The following PDCD6 variants were observed in gnomAD, a reference collection of about 807,000 sequenced individuals.
The protein encoded by PDCD6 is programmed cell death 6.
PDCD6 carries 12 observed loss-of-function variants against 28.3 expected under a neutral mutation model. The ratio of observed to expected loss-of-function variants is 0.42; its 90% CI spans 0.27 to 0.69. The LOEUF (loss-of-function observed/expected upper bound fraction) is 0.69, where lower values mean the gene tolerates loss of function less well. Ranked by LOEUF, PDCD6 falls within the 30% of genes least tolerant of loss-of-function variation. The pLI, the probability that PDCD6 is intolerant of heterozygous loss-of-function variation, is 0.22. For missense variants in PDCD6, 226 were observed against 269.9 expected, an observed-to-expected ratio of 0.84 and a Z score of 1.14; for synonymous variants, 92 against 108.0, an observed-to-expected ratio of 0.85 and a Z score of 0.92.
At chr5:278,209 C>G (rs1373091689) in intron 2 of PDCD6, among the ~76,000 whole-genome samples, 1 of 152,104 alleles carries the variant, frequency 6.6e-6, no homozygotes, top group Non-Finnish European at 1.5e-5. Flanking sequence ...ATATAGCTTT[C>G]TCTTGTAGGA....
At chr5:298,080 G>A (rs1293956188) in intron 2 of PDCD6, among the ~76,000 whole-genome samples, 9 of 152,130 alleles carry the variant, frequency 5.9e-5, no homozygotes, top group Admixed American at 5.2e-4. Flanking sequence ...CTCTGCTATC[G>A]ATATCAGGGA....
chr5:288,300 A>ATG (rs1241256542), intron 2 of PDCD6, among the ~76,000 whole-genome samples: 2 of 110,440 alleles, frequency 1.8e-5, no homozygotes, highest in African/African-American at 5.5e-5. Context: ...TATTATATAT[A>ATG]TATATATATA....
At chr5:291,752 G>A (rs1420541256) in intron 2 of PDCD6, among the ~76,000 whole-genome samples, 8 of 152,142 alleles carry the variant, frequency 5.3e-5, no homozygotes, top group Admixed American at 2.0e-4. Context: ...TCATTGCTGC[G>A]TGATCTCCCA....
intron 2 of PDCD6, among the ~76,000 whole-genome samples, chr5:300,359 A>C (rs1739973591): frequency 6.6e-6 from 1 of 152,104 alleles, no homozygotes; most frequent in Non-Finnish European, 1.5e-5. Flanking sequence ...AATCCGGCGC[A>C]CCCTGTGTGA....
At chr5:290,118 A>G in intron 2 of PDCD6, 1 of 1,575,646 alleles carries the variant, frequency 6.3e-7, no homozygotes, top group East Asian at 2.2e-5. Flanking sequence ...GGTTGGGAGG[A>G]CCTCTTGGCT....
Position 271,786 on chromosome 5 carries a change from G to A in PDCD6, c.66G>A (p.Leu22=). 3 of 1,479,788 alleles carry A rather than the reference G, an allele frequency of 2.0e-6. No individual in the cohort carries two copies. Among genetic ancestry groups the A allele is most frequent in the Non-Finnish European group, 2.7e-6 (3 of 1,121,098 alleles). The allele number at this position is 1,479,788 out of a possible 1,614,324, so 91.7% of individuals were successfully genotyped here. Residue 22 remains leucine (L), a synonymous_variant, in exon 1 of 6, where the codon CTG becomes CTA. Coordinates refer to ENST00000264933, the MANE Select transcript of PDCD6 (RefSeq NM_013232.4). ...AGPGPAAGAA[L]PDQSFLWNVF... ...CTGGGCCTGCTGCAGGCGCGGCGCTGCCGGACCAGAGCTTCCTGTGGAACG... is the reference window on the plus strand; with the variant it reads ...CTGGGCCTGCTGCAGGCGCGGCGCTACCGGACCAGAGCTTCCTGTGGAACG...
chr5:306,414 C>A, intron 3 of PDCD6, 188 bp from the exon 4 acceptor site: 1 of 597,654 alleles, frequency 1.7e-6, no homozygotes, highest in Non-Finnish European at 3.0e-6. Flanking sequence ...ACACCCCCAC[C>A]CAGGGCGAAG....
Position 277,080 on chromosome 5 carries a change from A to G in PDCD6, c.163+4308A>G, listed in dbSNP as rs1035566772. ...TGATGTATTTGTAAGGGGCATTTTT[A>G]AAGCTGTACTTTAAAAAATAATAAT... On this transcript the variant is annotated intron_variant, in intron 2 of 5. Transcript: ENST00000264933. 2.1e-5 allele frequency: 6 copies of G among 281,958 alleles called. No homozygotes were observed. In the Admixed American group the frequency reaches 3.9e-4, roughly 18 times the overall value. 17.5% of individuals were successfully genotyped at this position (281,958 alleles called of 1,614,324 possible). A position where few individuals can be genotyped will look rare whatever the true frequency, so the allele number is the denominator to read the frequency against.
intron 2 of PDCD6, among the ~76,000 whole-genome samples, chr5:286,711 T>C (rs1738994488): frequency 6.6e-6 from 1 of 152,024 alleles, no homozygotes; most frequent in East Asian, 1.9e-4. Flanking sequence ...GGGGAGGAGC[T>C]GATGTTCCCG....
rs573443710 is a variant in PDCD6 at position 271,683 on chromosome 5, C to A, written c.-38C>A. On this transcript the variant is annotated 5_prime_UTR_variant, in exon 1 of 6. Transcript: ENST00000264933. ...GGAGTCGGCCTGAGAGGTCTCTCGTCGCTGCAGGCGCCTCAGCCCAGCCGC... is the reference window on the plus strand; with the variant it reads ...GGAGTCGGCCTGAGAGGTCTCTCGTAGCTGCAGGCGCCTCAGCCCAGCCGC... The A allele has an allele frequency of 2.5e-5, 31 of 1,251,926 alleles. No homozygotes were observed. Among genetic ancestry groups the A allele is most frequent in the Non-Finnish European group, 3.0e-5 (27 of 889,470 alleles). The allele number at this position is 1,251,926 out of a possible 1,614,324, so 77.6% of individuals were successfully genotyped here. A position where few individuals can be genotyped will look rare whatever the true frequency, so the allele number is the denominator to read the frequency against.
At chr5:306,394 A>T (rs1024088965) in intron 3 of PDCD6, 1 of 558,756 alleles carries the variant, frequency 1.8e-6, no homozygotes, top group Non-Finnish European at 3.2e-6. Context: ...GGGCTGGGGG[A>T]CAATCCCCCA....
intron 2 of PDCD6, among the ~76,000 whole-genome samples, chr5:280,692 A>G (rs1738510078): frequency 6.7e-6 from 1 of 149,440 alleles, no homozygotes; most frequent in Admixed American, 6.6e-5. Context: ...TCCATAGACC[A>G]GGGCAGAGGG....
Position 307,259 on chromosome 5 carries a change from CGT to C in PDCD6, c.367+507_367+508del, listed in dbSNP as rs1740573652. On this transcript the variant is annotated intron_variant, in intron 4 of 5. Transcript: ENST00000264933. This position sits in a 1 kb window ranked among gnomAD's most constrained non-coding sequence, Gnocchi z 6.1. Reference sequence around the variant, plus strand: ...GTGTGCTCGGCGTGTGTGTGCTCGGCGTGTGTGTGCACACGTGTGCCGTGCGC... The same window carrying C: ...GTGTGCTCGGCGTGTGTGTGCTCGGCGTGTGTGCACACGTGTGCCGTGCGC... Among the ~76,000 whole-genome samples the C allele has an allele frequency of 1.1e-5, 1 of 93,776 alleles. No homozygotes were observed. Among genetic ancestry groups the C allele is most frequent in the Non-Finnish European group, 1.9e-5 (1 of 51,286 alleles). The allele number at this position is 93,776 out of a possible 152,430, so 61.5% of individuals were successfully genotyped here.
chr5:293,162 A>G (rs1739414068), intron 2 of PDCD6, among the ~76,000 whole-genome samples: 2 of 152,340 alleles, frequency 1.3e-5, no homozygotes, highest in South Asian at 2.1e-4. Context: ...GGACAAGCCC[A>G]CAGGACCCCC....
intron 2 of PDCD6, among the ~76,000 whole-genome samples, chr5:279,436 G>T (rs1738425750): frequency 1.3e-5 from 2 of 152,068 alleles, no homozygotes; most frequent in African/African-American, 2.4e-5. Flanking sequence ...GGAATGAGAG[G>T]CGTGTGGAGC....
chr5:277,969 G>T (rs956353578), intron 2 of PDCD6, among the ~76,000 whole-genome samples: 2 of 150,812 alleles, frequency 1.3e-5, no homozygotes, highest in Non-Finnish European at 2.9e-5. Flanking sequence ...ACAAAATCCA[G>T]GCCAGACAAA....
chr5:302,107 T>TGCGC (rs1554007716), intron 2 of PDCD6, among the ~76,000 whole-genome samples: 1,624 of 111,658 alleles, frequency 0.015, 87 homozygotes, highest in African/African-American at 0.061. Context: ...TGTGTGTGTG[T>TGCGC]GCCTTGGGTT....
At position 299,015 on chromosome 5, in the gene PDCD6, C is replaced by T. The variant is rs192452793; in HGVS notation, c.164-5162C>T. On this transcript the variant is annotated intron_variant, in intron 2 of 5. Transcript: ENST00000264933. ...CTGCTCCCCACTAGCTGCTCCTCCC[C>T]AGCTGCTCCCCCCCAGCCGCTCCCC... is the stretch of plus-strand genomic sequence containing the variant. 2.8e-3 allele frequency among the ~76,000 whole-genome samples: 29 copies of T among 10,464 alleles called. 3 individuals carry two copies. Among genetic ancestry groups the T allele is most frequent in the African/African-American group, 0.016 (17 of 1,044 alleles). 6.9% of individuals were successfully genotyped at this position (10,464 alleles called of 152,430 possible).
intron 4 of PDCD6, 87 bp from the exon 5 acceptor site, chr5:311,206 C>A: frequency 1.1e-6 from 1 of 946,182 alleles, no homozygotes; most frequent in Middle Eastern, 2.1e-4. Flanking sequence ...GTGTTAGAGG[C>A]TGTGGGCCTT....
Sources: allele counts gnomAD v4.1 joint callset (sites outside exome capture counted in the v4.1 genomes callset), GRCh38; gene constraint gnomAD v4.1.1; non-coding constraint Gnocchi (gnomAD v3.1); transcripts MANE v1.5; gene names NCBI Gene and HGNC (gene_info 2026-07-23, HGNC 2026-07-21).